The following SMAD2 variants were observed in gnomAD, a reference collection of about 807,000 sequenced individuals.
SMAD2 encodes SMAD family member 2.
Under a neutral mutation model 64.4 loss-of-function variants are expected in SMAD2, and 8 were observed. The ratio of observed to expected loss-of-function variants is 0.12; its 90% CI spans 0.07 to 0.22. The LOEUF (loss-of-function observed/expected upper bound fraction) is 0.22, where lower values mean the gene tolerates loss of function less well. Ranked by LOEUF, SMAD2 falls within the 10% of genes least tolerant of loss-of-function variation. The pLI is 1.00. For missense variants in SMAD2, 289 were observed against 561.2 expected, an observed-to-expected ratio of 0.51 and a Z score of 4.90; for synonymous variants, 203 against 195.8, an observed-to-expected ratio of 1.04 and a Z score of -0.31.
intron 5 of SMAD2, among the ~76,000 whole-genome samples, chr18:47,868,056 ATCTTT>A (rs1311978491): frequency 8.5e-5 from 13 of 152,302 alleles, no homozygotes; most frequent in African/African-American, 1.7e-4. Flanking sequence ...ACTTACTAAG[ATCTTT>A]TCTTTTCTGC....
intron 2 of SMAD2, among the ~76,000 whole-genome samples, chr18:47,885,142 C>T (rs879912946): frequency 0.069 from 3,511 of 50,896 alleles, 90 homozygotes; most frequent in African/African-American, 0.12. Flanking sequence ...TACACACACA[C>T]ACACACACAC....
intron 7 of SMAD2, among the ~76,000 whole-genome samples, chr18:47,850,248 A>AT (rs1348851597): frequency 4.0e-5 from 3 of 75,496 alleles, no homozygotes; most frequent in Non-Finnish European, 6.8e-5. Flanking sequence ...ATTATATATT[A>AT]TATATATTAT....
At chr18:47,893,393 T>G (rs919198978) in intron 2 of SMAD2, among the ~76,000 whole-genome samples, 1 of 152,374 alleles carries the variant, frequency 6.6e-6, no homozygotes, top group African/African-American at 2.4e-5. Context: ...AGTAAACATT[T>G]CAACAGAAAA....
chr18:47,921,143 T>C (rs1176800656), intron 1 of SMAD2, among the ~76,000 whole-genome samples: 1 of 151,938 alleles, frequency 6.6e-6, no homozygotes, highest in Non-Finnish European at 1.5e-5. Flanking sequence ...GGTGACAGAG[T>C]GAGACACTGT....
rs1913954754 is a variant in SMAD2, at chr18:47,841,551, CTTTGGGACACTCAGTT to C, written c.*260_*275del. 2.0e-6 allele frequency: 1 copy of C among 493,860 alleles called. No homozygotes were observed. 30.6% of individuals were successfully genotyped at this position (493,860 alleles called of 1,614,324 possible). On this transcript the variant is annotated 3_prime_UTR_variant, in exon 11 of 11. Transcript: ENST00000262160. ...ATAACTACTACTGTTATTAATAAACCTTTGGGACACTCAGTTTTATGCCCAATAAGACATCATTAAG... is the reference window on the plus strand; with the variant it reads ...ATAACTACTACTGTTATTAATAAACCTTATGCCCAATAAGACATCATTAAG...
intron 2 of SMAD2, among the ~76,000 whole-genome samples, chr18:47,891,299 C>G (rs1568089000): frequency 6.6e-6 from 1 of 152,142 alleles, no homozygotes; most frequent in Admixed American, 6.5e-5. Context: ...GAGCAAAACT[C>G]TGTCTCGTTT....
At chr18:47,844,249 C>T (rs1297229003) in intron 10 of SMAD2, among the ~76,000 whole-genome samples, 1 of 152,166 alleles carries the variant, frequency 6.6e-6, no homozygotes, top group Non-Finnish European at 1.5e-5. Context: ...ATTGCACAAT[C>T]TCAAATCAGA....
intron 1 of SMAD2, among the ~76,000 whole-genome samples, chr18:47,898,247 A>G (rs965877064): frequency 6.6e-6 from 1 of 152,254 alleles, no homozygotes; most frequent in Non-Finnish European, 1.5e-5. Context: ...TGACAGCTTT[A>G]TTCTAAGTAA....
chr18:47,928,545 T>C (rs77293840), intron 1 of SMAD2, among the ~76,000 whole-genome samples: 272 of 152,296 alleles, frequency 1.8e-3, no homozygotes, highest in African/African-American at 6.3e-3. Flanking sequence ...CCAATATTCC[T>C]ACACAAGAGT....
rs539972970 is a variant in SMAD2, at chr18:47,811,574, G to A, written c.*30253C>T. ...GCTTTACTTCTGTAAGCTGGGTTGG[G>A]TGAATTGGTCCTCAACCATGCATCT... On this transcript the variant is annotated 3_prime_UTR_variant, in exon 11 of 11. Transcript: ENST00000262160. The A allele has an allele frequency of 5.9e-5, 9 of 152,208 alleles. No individual in the cohort carries two copies. The highest frequency in any genetic ancestry group is 1.9e-4 in the African/African-American group (8 of 41,526). 9.4% of individuals were successfully genotyped at this position (152,208 alleles called of 1,614,324 possible). A position where few individuals can be genotyped will look rare whatever the true frequency, so the allele number is the denominator to read the frequency against.
intron 1 of SMAD2, among the ~76,000 whole-genome samples, chr18:47,929,075 T>C (rs1048214800): frequency 1.3e-5 from 2 of 152,242 alleles, no homozygotes; most frequent in Non-Finnish European, 2.9e-5. Context: ...ATATCTTGTA[T>C]GGGTTTTCCG....
chr18:47,882,021 G>T (rs919368651), intron 2 of SMAD2, among the ~76,000 whole-genome samples: 1 of 114,600 alleles, frequency 8.7e-6, no homozygotes, highest in African/African-American at 3.1e-5. Context: ...GAAACCACAG[G>T]AATGTACTAC....
intron 2 of SMAD2, among the ~76,000 whole-genome samples, chr18:47,883,499 T>C (rs1243623238): frequency 6.6e-6 from 1 of 152,210 alleles, no homozygotes. Context: ...CGTAGGTAGT[T>C]AATAATGTAA....
chr18:47,916,823 A>C (rs2034356438), intron 1 of SMAD2, among the ~76,000 whole-genome samples: 1 of 152,246 alleles, frequency 6.6e-6, no homozygotes, highest in Non-Finnish European at 1.5e-5. Context: ...ATTTAAAGAA[A>C]TAAAACTGTT....
intron 6 of SMAD2, among the ~76,000 whole-genome samples, chr18:47,861,817 T>C (rs1167071064): frequency 6.6e-6 from 1 of 152,250 alleles, no homozygotes; most frequent in African/African-American, 2.4e-5. Flanking sequence ...TTAACTCCTC[T>C]TAACATTTTA....
At chr18:47,925,116 T>G (rs2034713193) in intron 1 of SMAD2, among the ~76,000 whole-genome samples, 1 of 152,146 alleles carries the variant, frequency 6.6e-6, no homozygotes, top group Non-Finnish European at 1.5e-5. Flanking sequence ...AAATGCAAAT[T>G]TTTACATTAA....
At chr18:47,917,937 A>C (rs1251174645) in intron 1 of SMAD2, among the ~76,000 whole-genome samples, 1 of 152,230 alleles carries the variant, frequency 6.6e-6, no homozygotes, top group Non-Finnish European at 1.5e-5. Context: ...AATGGCTGGA[A>C]AATGGGTGAG....
In SMAD2 at chr18:47,840,802, T is replaced by C. The variant is rs184849289; in HGVS notation, c.*1025A>G. On this transcript the variant is annotated 3_prime_UTR_variant, in exon 11 of 11. Transcript: ENST00000262160. ...GGAAAAACGGTATTTATAGATTAGC[T>C]TTTTTAAAAAGGGATAAATATGTGG... 137 of 231,618 alleles carry C rather than the reference T, an allele frequency of 5.9e-4. No individual in the cohort carries two copies. The highest frequency in any genetic ancestry group is 3.0e-3 in the African/African-American group (135 of 45,380). 14.3% of individuals were successfully genotyped at this position (231,618 alleles called of 1,614,324 possible).
At chr18:47,842,131 G>C (rs1289445191) in intron 10 of SMAD2, among the ~76,000 whole-genome samples, 181 bp from the exon 11 acceptor site, 1 of 152,164 alleles carries the variant, frequency 6.6e-6, no homozygotes, top group Non-Finnish European at 1.5e-5. Flanking sequence ...TGATGACCTT[G>C]TTTTAGAAGT....
Sources: gnomAD v4.1 joint callset for allele counts (sites outside exome capture counted in the v4.1 genomes callset) on GRCh38, gnomAD v4.1.1 for gene constraint, MANE v1.5 for transcripts, NCBI Gene and HGNC (gene_info 2026-07-23, HGNC 2026-07-21) for gene names.